Variants in CCDC186 observed in about 807,000 individuals in gnomAD.
CCDC186 encodes the protein coiled-coil domain-containing protein 186.
CCDC186 carries 49 observed loss-of-function variants against 113.7 expected under a neutral mutation model. That is an observed-to-expected ratio of 0.43 (90% CI 0.34 to 0.55). The LOEUF (loss-of-function observed/expected upper bound fraction) is 0.55. Among genes scored for constraint, CCDC186 ranks in the 20% least tolerant of loss-of-function variants. The pLI, the probability that CCDC186 is intolerant of heterozygous loss-of-function variation, is 0.02. For missense variants in CCDC186, 890 were observed against 1,011.1 expected, an observed-to-expected ratio of 0.88 and a Z score of 1.62; for synonymous variants, 355 against 345.8, an observed-to-expected ratio of 1.03 and a Z score of -0.30.
intron 6 of CCDC186, among the ~76,000 whole-genome samples, chr10:114,140,926 G>A (rs2031447765): frequency 1.3e-5 from 2 of 151,572 alleles, no homozygotes; most frequent in African/African-American, 4.9e-5. Context: ...ACACAGGACA[G>A]GATCTTGCTG....
At chr10:114,137,624 C>T (rs970551089) in intron 6 of CCDC186, among the ~76,000 whole-genome samples, 6 of 152,002 alleles carry the variant, frequency 3.9e-5, no homozygotes, top group South Asian at 4.2e-4. Context: ...GTCTTTTGGC[C>T]GGACGTGGTG....
chr10:114,167,272 G>T (rs1389213173), intron 1 of CCDC186, among the ~76,000 whole-genome samples: 1 of 152,086 alleles, frequency 6.6e-6, no homozygotes, highest in Admixed American at 6.5e-5. Context: ...ACCCGCCTCG[G>T]CCTCCCAAAG....
chr10:114,127,280 T>C (rs1361857388), intron 14 of CCDC186, among the ~76,000 whole-genome samples, 181 bp downstream of exon 14: 2 of 152,228 alleles, frequency 1.3e-5, no homozygotes, highest in African/African-American at 4.8e-5. Context: ...ACGTGTTTTA[T>C]TTCATCTTAG....
intron 1 of CCDC186, among the ~76,000 whole-genome samples, chr10:114,173,471 G>A (rs961968484): frequency 6.6e-6 from 1 of 152,100 alleles, no homozygotes; most frequent in Non-Finnish European, 1.5e-5. Context: ...ATGCCTTGAC[G>A]TCCTTGAAAG....
intron 6 of CCDC186, 95 bp downstream of exon 6, chr10:114,144,402 A>C: frequency 4.2e-6 from 6 of 1,436,586 alleles, no homozygotes; most frequent in Non-Finnish European, 5.6e-6. Context: ...TTCTAATCTG[A>C]AAGAGCGAGA....
At position 114,154,013 on chromosome 10, in the gene CCDC186, G is replaced by A. The variant is rs370333596; in HGVS notation, c.760-2793C>T. Among the ~76,000 whole-genome samples the A allele has an allele frequency of 9.2e-5, 14 of 151,574 alleles. 1 individual carries two copies. The highest frequency in any genetic ancestry group is 5.9e-4 in the Admixed American group (9 of 15,220). ...TCGCTTGAGCTCACAAGTTCGAGAC[G>A]AGCCTGGGAAACATAGTGAAAACCC... is the stretch of plus-strand genomic sequence containing the variant. On this transcript the variant is annotated intron_variant, in intron 3 of 15. Coordinates refer to ENST00000369287, the MANE Select transcript of CCDC186 (RefSeq NM_018017.4).
chr10:114,169,873 C>T (rs2076115016), intron 1 of CCDC186, among the ~76,000 whole-genome samples: 1 of 152,166 alleles, frequency 6.6e-6, no homozygotes, highest in African/African-American at 2.4e-5. Flanking sequence ...TTAAAAGATA[C>T]TTTCTGGATA....
In CCDC186 at chr10:114,159,509, A is replaced by G. The variant is rs184921019; in HGVS notation, c.633-1829T>C. Among the ~76,000 whole-genome samples, 802 of 151,882 alleles carry G rather than the reference A, an allele frequency of 5.3e-3. 9 individuals carry two copies. The highest frequency in any genetic ancestry group is 0.018 in the African/African-American group (752 of 41,458). On this transcript the variant is annotated intron_variant, in intron 2 of 15. Transcript: ENST00000369287. Reference sequence around the variant, plus strand: ...AATACAAAAATTAGCTGGGTGTGGTAGGGCGTGCCTGTAGTCCCAGCTACT... The same window carrying G: ...AATACAAAAATTAGCTGGGTGTGGTGGGGCGTGCCTGTAGTCCCAGCTACT...
rs748488207 is a variant in CCDC186 at position 114,121,457 on chromosome 10, A to C, written c.*3686T>G. On this transcript the variant is annotated 3_prime_UTR_variant, in exon 16 of 16. Coordinates refer to ENST00000369287, the MANE Select transcript of CCDC186 (RefSeq NM_018017.4). ...ATTTTTAGAAAATAATATACTGCAA[A>C]AGAAAGATTGGAAACATGCGTGACA... 1.3e-5 allele frequency: 2 copies of C among 152,206 alleles called. No homozygotes were observed. The highest frequency in any genetic ancestry group is 2.1e-4 in the South Asian group (1 of 4,834). The allele number at this position is 152,206 out of a possible 1,614,324, so 9.4% of individuals were successfully genotyped here.
At chr10:114,130,251 T>C (rs1285402063) in intron 12 of CCDC186, 2 of 208,396 alleles carry the variant, frequency 9.6e-6, no homozygotes, top group African/African-American at 4.7e-5. Flanking sequence ...TAGAAGTTCC[T>C]TACAGTACCA....
At chr10:114,138,051 AAAAAAAAAAAAAAAAAAAAAAAT>A (rs755566941) in intron 6 of CCDC186, among the ~76,000 whole-genome samples, 2,538 of 79,430 alleles carry the variant, frequency 0.032, 49 homozygotes, top group African/African-American at 0.062. Flanking sequence ...AAAAAAAAAA[AAAAAAAAAAAAAAAAAAAAAAAT>A]AAAAAAAATA....
rs1228910084 is a variant in CCDC186 at position 114,123,641 on chromosome 10, G to A, written c.*1502C>T. 6.6e-6 allele frequency: 1 copy of A among 152,118 alleles called. No homozygotes were observed. Among genetic ancestry groups the A allele is most frequent in the Non-Finnish European group, 1.5e-5 (1 of 68,018 alleles). 9.4% of individuals were successfully genotyped at this position (152,118 alleles called of 1,614,324 possible). A position where few individuals can be genotyped will look rare whatever the true frequency, so the allele number is the denominator to read the frequency against. On this transcript the variant is annotated 3_prime_UTR_variant, in exon 16 of 16. Transcript: ENST00000369287. The stretch of plus-strand genomic sequence containing the variant: ...TATCTTATTATAGTAATGATCTGAA[G>A]ATAATGAATTATGAAAAATCATGCT...
intron 13 of CCDC186, among the ~76,000 whole-genome samples, chr10:114,128,909 G>C (rs1444749083): frequency 6.6e-6 from 1 of 152,194 alleles, no homozygotes; most frequent in Non-Finnish European, 1.5e-5. Context: ...AAAAGAGAGA[G>C]ACCACTGTAC....
chr10:114,173,872 G>A (rs1251370098), intron 1 of CCDC186, 143 bp downstream of exon 1: 6 of 357,940 alleles, frequency 1.7e-5, no homozygotes, highest in Admixed American at 1.4e-4. Flanking sequence ...AGCCAGGCGG[G>A]GAGCCCGCTC....
In CCDC186 at chr10:114,129,730, A is replaced by G. The variant is rs552065707; in HGVS notation, c.2182+161T>C. On this transcript the variant is annotated intron_variant, in intron 13 of 15. Coordinates refer to ENST00000369287, the MANE Select transcript of CCDC186 (RefSeq NM_018017.4). ...TTTTTAGTAGAGACGGGGTTTCTCC[A>G]TGTTGGCCAGACTGGTCTTGAACTT... Among the ~76,000 whole-genome samples the G allele has an allele frequency of 5.3e-5, 8 of 152,092 alleles. No individual in the cohort carries two copies. The South Asian group carries it at 1.2e-3, about 24-fold the overall frequency.
In CCDC186 at chr10:114,150,987, T is replaced by G; in HGVS notation, c.888+105A>C. ...TTTTATATAAAAGAATCACCTAGTA[T>G]TAATACAATAGTGAGGTCCAAAATA... On this transcript the variant is annotated intron_variant, in intron 4 of 15. Transcript: ENST00000369287. 2.3e-6 allele frequency: 3 copies of G among 1,330,580 alleles called. No individual in the cohort carries two copies. In the East Asian group the frequency reaches 7.3e-5, roughly 32 times the overall value. 82.4% of individuals were successfully genotyped at this position (1,330,580 alleles called of 1,614,324 possible).
intron 4 of CCDC186, among the ~76,000 whole-genome samples, chr10:114,146,305 T>C (rs2031639161): frequency 6.6e-6 from 1 of 152,236 alleles, no homozygotes; most frequent in Non-Finnish European, 1.5e-5. Context: ...CCTGAAATTC[T>C]GCATCTTCCC....
At chr10:114,170,032 A>G (rs1365088576) in intron 1 of CCDC186, among the ~76,000 whole-genome samples, 1 of 152,168 alleles carries the variant, frequency 6.6e-6, no homozygotes, top group Non-Finnish European at 1.5e-5. Context: ...CAAGTAGATA[A>G]GACTACAGGT....
At chr10:114,159,314 G>C (rs942460130) in intron 2 of CCDC186, among the ~76,000 whole-genome samples, 1 of 152,000 alleles carries the variant, frequency 6.6e-6, no homozygotes, top group East Asian at 1.9e-4. Flanking sequence ...GTGAAAAGCA[G>C]TAAACACTCA....
Sources: gnomAD v4.1 joint callset for allele counts (sites outside exome capture counted in the v4.1 genomes callset) on GRCh38, gnomAD v4.1.1 for gene constraint, MANE v1.5 for transcripts, NCBI Gene and HGNC (gene_info 2026-07-23, HGNC 2026-07-21) for gene names.